The following USP11 variants were observed in gnomAD, a reference collection of about 807,000 sequenced individuals.
The protein encoded by USP11 is ubiquitin specific peptidase 11.
A neutral mutation model predicts 72.8 loss-of-function variants in USP11; 5 were observed. The ratio of observed to expected loss-of-function variants is 0.07; its 90% CI spans 0.04 to 0.14. USP11 has a LOEUF of 0.14. Ranked by LOEUF, USP11 falls within the 10% of genes least tolerant of loss-of-function variation. The pLI is 1.00. For synonymous variants in USP11, 368 were observed against 326.5 expected (o/e 1.13, Z -1.37); for missense variants, 480 against 794.7 (o/e 0.60, Z 4.76).
At chrX:47,242,991 C>T (rs2055411579) in intron 12 of USP11, among the ~76,000 whole-genome samples, 1 of 111,666 alleles carries the variant, frequency 9.0e-6, no homozygotes, top group Non-Finnish European at 1.9e-5. Flanking sequence ...AAGCCGGGCG[C>T]GGTGGCTCAC....
Position 47,247,240 on chromosome X carries a change from G to A in USP11, c.2420+19G>A. 8.3e-7 allele frequency: 1 copy of A among 1,211,411 alleles called. No individual in the cohort carries two copies. The highest frequency in any genetic ancestry group is 1.1e-6 in the Non-Finnish European group (1 of 895,429). On this transcript the variant is annotated intron_variant, in intron 18 of 20. Coordinates refer to ENST00000377107, the MANE Select transcript of USP11 (RefSeq NM_001371072.1). ...CTATCCGGTCAGGGGCCAGGGAGAG[G>A]ATGGCTGGGGGAAGGCAGGGAAAGG...
intron 19 of USP11, 54 bp from the exon 20 acceptor site, chrX:47,247,557 G>C (rs1260610042): frequency 8.4e-7 from 1 of 1,187,261 alleles, no homozygotes; most frequent in Non-Finnish European, 1.1e-6. Context: ...AGTGAATCTG[G>C]ACACTTCTGA....
chrX:47,239,545 A>G (rs1770441210), intron 3 of USP11, 64 bp downstream of exon 3: 3 of 1,189,586 alleles, frequency 2.5e-6, no homozygotes, highest in African/African-American at 3.5e-5. Flanking sequence ...TAGGCCCAGC[A>G]TGGGTACAGA....
intron 13 of USP11, 123 bp downstream of exon 13, chrX:47,243,725 T>G: frequency 1.5e-6 from 1 of 684,957 alleles, no homozygotes; most frequent in Non-Finnish European, 2.2e-6. Context: ...AACATGGCCA[T>G]AGAAGAACTT....
Position 47,248,065 on chromosome X carries a change from C to G in USP11, c.*135C>G, listed in dbSNP as rs1198692337. On this transcript the variant is annotated 3_prime_UTR_variant, in exon 21 of 21. Transcript: ENST00000377107. ...TGCAGGCTTAGTCGTGGCTACTGTT[C>G]TCCTGTGCCGCTGCATCGCTCTCTC... The G allele has an allele frequency of 1.1e-6, 1 of 918,329 alleles. No individual in the cohort carries two copies. The allele number at this position is 918,329 out of a possible 1,213,427, so 75.7% of individuals were successfully genotyped here.
chrX:47,244,097 C>CTT lies in USP11; in HGVS notation c.1791-383_1791-382dup, dbSNP rs200759841. ...TAGAGTAAAAGTCCACGCTCCATAC[C>CTT]TTTTTTTTTTTTTTTTTTTGAGATG... On this transcript the variant is annotated intron_variant, in intron 13 of 20. Coordinates refer to ENST00000377107, the MANE Select transcript of USP11 (RefSeq NM_001371072.1). Among the ~76,000 whole-genome samples, 203 of 92,249 alleles carry CTT rather than the reference C, an allele frequency of 2.2e-3. 3 individuals are homozygous for CTT. Among genetic ancestry groups the CTT allele is most frequent in the African/African-American group, 8.0e-3 (187 of 23,341 alleles). The allele number at this position is 92,249 out of a possible 115,157, so 80.1% of individuals were successfully genotyped here. A position where few individuals can be genotyped will look rare whatever the true frequency, so the allele number is the denominator to read the frequency against.
rs183062376 is a variant in USP11 at position 47,239,077 on chromosome X, G to T, written c.184G>T (p.Val62Leu). The change falls in exon 2 of 21, where the codon GTG (valine) becomes TTG (leucine). Residue 62 changes from valine to leucine, a missense_variant. By Grantham distance (32) the Val-to-Leu change is conservative. Transcript: ENST00000377107. ...PLRAGESWFLVEKHWYKQWEA... is the reference protein window; with the variant it reads ...PLRAGESWFLLEKHWYKQWEA... ...TACCTGTCTGGGCCCCAGGTTCCTTGTGGAGAAGCACTGGTATAAGCAGTG... is the reference window on the plus strand; with the variant it reads ...TACCTGTCTGGGCCCCAGGTTCCTTTTGGAGAAGCACTGGTATAAGCAGTG... 2.5e-6 allele frequency: 3 copies of T among 1,208,889 alleles called. No homozygotes were observed. The highest frequency in any genetic ancestry group is 4.4e-5 in the Admixed American group (2 of 45,835).
At chrX:47,244,256 G>A (rs1040253386) in intron 13 of USP11, among the ~76,000 whole-genome samples, 10 of 109,385 alleles carry the variant, frequency 9.1e-5, no homozygotes, top group Non-Finnish European at 1.9e-4. Context: ...GCGCCACCAC[G>A]CCCAGCTAAT....
At chrX:47,237,934 A>C (rs1282899247) in intron 1 of USP11, among the ~76,000 whole-genome samples, 3 of 110,537 alleles carry the variant, frequency 2.7e-5, no homozygotes, top group Non-Finnish European at 5.7e-5. Context: ...TTATATGTCA[A>C]GTATTTTCCA....
intron 9 of USP11, 97 bp from the exon 10 acceptor site, chrX:47,241,985 C>A: frequency 1.1e-6 from 1 of 932,071 alleles, no homozygotes; most frequent in Non-Finnish European, 1.5e-6. Flanking sequence ...TGGACTTTAG[C>A]AGTGGCCTTC....
intron 13 of USP11, among the ~76,000 whole-genome samples, chrX:47,244,248 G>A (rs1356047468): frequency 1.8e-5 from 2 of 109,418 alleles, no homozygotes; most frequent in African/African-American, 3.3e-5. Context: ...ACAGCCGCGC[G>A]CCACCACGCC....
rs1054060206 is a variant in USP11 at position 47,241,130 on chromosome X, C to T, written c.847-147C>T. The T allele has an allele frequency of 5.1e-5, 32 of 627,355 alleles. No individual in the cohort carries two copies. In the African/African-American group the frequency reaches 6.4e-4, roughly 13 times the overall value. The allele number at this position is 627,355 out of a possible 1,213,427, so 51.7% of individuals were successfully genotyped here. ...TTCTCGTGAAATCCTAATGCCTTCT[C>T]TCCCCTACTCTCCTGCTCCTCTCTC... On this transcript the variant is annotated intron_variant, in intron 7 of 20. Coordinates refer to ENST00000377107, the MANE Select transcript of USP11 (RefSeq NM_001371072.1).
chrX:47,247,271 G>A (rs1569237655), intron 18 of USP11, 33 bp from the exon 19 acceptor site: 1 of 1,211,411 alleles, frequency 8.3e-7, no homozygotes, highest in African/African-American at 1.7e-5. Context: ...AAAGGAGGGG[G>A]TGTACCAGTA....
At chrX:47,233,657 G>A (rs2055357230) in intron 1 of USP11, 1 of 587,628 alleles carries the variant, frequency 1.7e-6, no homozygotes, top group Non-Finnish European at 2.1e-6. Flanking sequence ...GACGTCAGCA[G>A]AAGAGCGGGA....
At chrX:47,236,956 T>TTTA (rs1282995752) in intron 1 of USP11, among the ~76,000 whole-genome samples, 8 of 111,993 alleles carry the variant, frequency 7.1e-5, no homozygotes. Flanking sequence ...CAATGATTTT[T>TTTA]TTAAAGTGTC....
In USP11 at chrX:47,245,475, A is replaced by G. The variant is rs1462395391; in HGVS notation, c.2263A>G (p.Asn755Asp). 14 of 1,196,393 alleles carry G rather than the reference A, an allele frequency of 1.2e-5. No homozygotes were observed. The highest frequency in any genetic ancestry group is 1.6e-5 in the Non-Finnish European group (14 of 883,143). Residue 755 changes from asparagine to aspartate, a missense_variant, in exon 17 of 21, where the codon AAC (asparagine) becomes GAC (aspartate). Around this residue, in one of 5 missense-constraint regions of USP11, gnomAD observed 314 missense variants for 556.0 expected, o/e 0.56. Coordinates refer to ENST00000377107, the MANE Select transcript of USP11 (RefSeq NM_001371072.1). ...FTTVETLEKENPWYCPSCKQH... is the reference protein window; with the variant it reads ...FTTVETLEKEDPWYCPSCKQH... Reference sequence around the variant, plus strand: ...CACTGTGGAGACCCTGGAGAAGGAAAACCCCTGGTGAGGGGCCAGAGCGGG... The same window carrying G: ...CACTGTGGAGACCCTGGAGAAGGAAGACCCCTGGTGAGGGGCCAGAGCGGG...
intron 7 of USP11, 30 bp from the exon 8 acceptor site, chrX:47,241,247 C>G (rs753606982): frequency 7.9e-5 from 93 of 1,173,871 alleles, no homozygotes; most frequent in Non-Finnish European, 1.0e-4. Context: ...CTCCCCTCTG[C>G]CTCATTCACC....
rs1366228749 is a variant in USP11 at position 47,239,188 on chromosome X, C to T, written c.286+9C>T. On this transcript the variant is annotated intron_variant, in intron 2 of 20. Coordinates refer to ENST00000377107, the MANE Select transcript of USP11 (RefSeq NM_001371072.1). ...TGCCACACTCTTTCAAGGTACAAGG[C>T]CTTTGCCTCCTTCTCACCCTAGCCC... 1.7e-6 allele frequency: 2 copies of T among 1,194,835 alleles called. No individual in the cohort carries two copies. The highest frequency in any genetic ancestry group is 6.0e-5 in the East Asian group (2 of 33,467).
At chrX:47,247,040 A>C in intron 17 of USP11, 32 bp from the exon 18 acceptor site, 1 of 1,170,646 alleles carries the variant, frequency 8.5e-7, no homozygotes, top group African/African-American at 1.8e-5. Flanking sequence ...AAAAAGAAAA[A>C]GTCCGTTTGC....
Sources: allele counts gnomAD v4.1 joint callset (sites outside exome capture counted in the v4.1 genomes callset), GRCh38; gene constraint gnomAD v4.1.1; regional missense constraint gnomAD v4.1.1; transcripts MANE v1.5; gene names NCBI Gene and HGNC (gene_info 2026-07-23, HGNC 2026-07-21).